The following ZFHX3 variants were observed in gnomAD, a reference collection of about 807,000 sequenced individuals.
ZFHX3 encodes zinc finger homeobox 3, also known as zinc finger homeobox protein 3.
In ZFHX3, 42 loss-of-function variants were observed where a neutral mutation model predicts 279.1. That is an observed-to-expected ratio of 0.15 (90% confidence interval 0.12 to 0.19). The LOEUF (loss-of-function observed/expected upper bound fraction) is 0.19. Among genes scored for constraint, ZFHX3 ranks in the 10% least tolerant of loss-of-function variants. The pLI, the probability that ZFHX3 is intolerant of heterozygous loss-of-function variation, is 1.00. For missense variants in ZFHX3, 4,981 were observed against 4,754.0 expected, an observed-to-expected ratio of 1.05 and a Z score of -1.40; for synonymous variants, 2,293 against 1,957.8, an observed-to-expected ratio of 1.17 and a Z score of -4.52.
intron 2 of ZFHX3, among the ~76,000 whole-genome samples, chr16:73,596,016 TA>T: frequency 7.5e-6 from 1 of 133,700 alleles, no homozygotes; most frequent in Admixed American, 7.0e-5. Context: ...TATTTTATTT[TA>T]TTTTATTTTA....
intron 2 of ZFHX3, among the ~76,000 whole-genome samples, chr16:73,529,821 G>T (rs961464303): frequency 1.3e-5 from 2 of 152,146 alleles, no homozygotes; most frequent in Admixed American, 6.5e-5. Flanking sequence ...GTTTCTCCGT[G>T]GCTTCATTAG....
At chr16:73,606,120 T>G (rs1277586194) in intron 2 of ZFHX3, among the ~76,000 whole-genome samples, 1 of 130,934 alleles carries the variant, frequency 7.6e-6, no homozygotes, top group African/African-American at 3.0e-5. Flanking sequence ...AGGTGGAGCT[T>G]GCAGTGAGCC....
At chr16:72,868,409 T>C (rs1160468538) in intron 4 of ZFHX3, among the ~76,000 whole-genome samples, 1 of 152,210 alleles carries the variant, frequency 6.6e-6, no homozygotes, top group African/African-American at 2.4e-5. Context: ...AAAAACAGCA[T>C]TAAGTGTCTC....
chr16:73,434,620 T>C (rs1250118757), intron 3 of ZFHX3, among the ~76,000 whole-genome samples: 1 of 147,542 alleles, frequency 6.8e-6, no homozygotes, highest in African/African-American at 2.5e-5. Context: ...GTTTTTTTTT[T>C]GTTGTTGCTT....
rs140702022 is a variant in ZFHX3, at chr16:72,784,571, TACAA to T, written c.*2589_*2592del. 4 of 151,988 alleles carry T rather than the reference TACAA, an allele frequency of 2.6e-5. No individual in the cohort carries two copies. The highest frequency in any genetic ancestry group is 7.2e-5 in the African/African-American group (3 of 41,432). 9.4% of individuals were successfully genotyped at this position (151,988 alleles called of 1,614,324 possible). A position where few individuals can be genotyped will look rare whatever the true frequency, so the allele number is the denominator to read the frequency against. On this transcript the variant is annotated 3_prime_UTR_variant, in exon 10 of 10. Coordinates refer to ENST00000268489, the MANE Select transcript of ZFHX3 (RefSeq NM_006885.4). ...TATATATATATATATTTCATAGAGTTACAAACAAGATAAAATAATGGAAAACAAA... is the reference window on the plus strand; with the variant it reads ...TATATATATATATATTTCATAGAGTTACAAGATAAAATAATGGAAAACAAA...
intron 1 of ZFHX3, among the ~76,000 whole-genome samples, chr16:72,991,586 G>A (rs189920672): frequency 3.3e-5 from 5 of 152,282 alleles, no homozygotes; most frequent in Admixed American, 3.3e-4. Context: ...CTTAATAGGG[G>A]TTAGCTATTA....
chr16:73,533,794 T>C (rs145904621), intron 2 of ZFHX3, among the ~76,000 whole-genome samples: 3 of 152,318 alleles, frequency 2.0e-5, no homozygotes, highest in South Asian at 4.1e-4. Context: ...CCCTCTCTTT[T>C]ACAGCCTTCT....
At chr16:73,515,952 T>C (rs1417819030) in intron 2 of ZFHX3, among the ~76,000 whole-genome samples, 2 of 152,228 alleles carry the variant, frequency 1.3e-5, no homozygotes, top group East Asian at 3.8e-4. Flanking sequence ...ATTGTTTCCA[T>C]TGGTCATTGC....
rs558455910 is a variant in ZFHX3, at chr16:73,655,365, C to T, written c.-1547+24815G>A. On this transcript the variant is annotated intron_variant, in intron 2 of 17. Transcript: ENST00000641206. Reference sequence around the variant, plus strand: ...GGAAACTAAACTGCCATTATTCTTACATAATTGTACATGTAGAAAATCCAA... The same window carrying T: ...GGAAACTAAACTGCCATTATTCTTATATAATTGTACATGTAGAAAATCCAA... 4.6e-5 allele frequency among the ~76,000 whole-genome samples: 7 copies of T among 152,246 alleles called. No homozygotes were observed. In the South Asian group the frequency reaches 1.5e-3, roughly 32 times the overall value.
intron 2 of ZFHX3, among the ~76,000 whole-genome samples, chr16:73,630,098 A>G (rs1228071898): frequency 6.6e-6 from 1 of 152,138 alleles, no homozygotes; most frequent in Non-Finnish European, 1.5e-5. Context: ...ATGATATTTC[A>G]GCACATTGAA....
intron 5 of ZFHX3, among the ~76,000 whole-genome samples, chr16:73,242,548 A>G (rs2013154409): frequency 1.3e-5 from 2 of 152,240 alleles, no homozygotes; most frequent in South Asian, 4.1e-4. Flanking sequence ...TTAATGTAAG[A>G]CAAAGCAAAA....
intron 2 of ZFHX3, chr16:73,504,380 TC>T (rs1401283472): frequency 6.6e-6 from 1 of 152,184 alleles, no homozygotes; most frequent in African/African-American, 2.4e-5. Flanking sequence ...CCCTTCTTCT[TC>T]CCCAAACTGT....
intron 2 of ZFHX3, chr16:73,500,354 G>A (rs1014297653): frequency 6.5e-6 from 1 of 153,988 alleles, no homozygotes. Flanking sequence ...TTGAGAGAGG[G>A]GCTGACTCTG....
chr16:73,676,357 G>A (rs977876572), intron 2 of ZFHX3, among the ~76,000 whole-genome samples: 5 of 151,902 alleles, frequency 3.3e-5, no homozygotes, highest in Admixed American at 6.6e-5. Context: ...GCAGGGTGGG[G>A]GAGATGAGAA....
At chr16:73,653,137 T>G (rs899146376) in intron 2 of ZFHX3, among the ~76,000 whole-genome samples, 15 of 152,122 alleles carry the variant, frequency 9.9e-5, no homozygotes, top group Non-Finnish European at 4.4e-5. Flanking sequence ...GTTACTTTAT[T>G]GTAATAAAGA....
chr16:73,428,505 C>T (rs1410349944), intron 3 of ZFHX3, among the ~76,000 whole-genome samples: 2 of 152,092 alleles, frequency 1.3e-5, no homozygotes, highest in African/African-American at 4.8e-5. Context: ...AATGCATTTG[C>T]CCCCAGCCAC....
chr16:73,849,182 G>A (rs780368187), intron 1 of ZFHX3, among the ~76,000 whole-genome samples: 9 of 152,170 alleles, frequency 5.9e-5, no homozygotes, highest in African/African-American at 9.7e-5. Flanking sequence ...GGTTACAGTC[G>A]CTCCTTAGGC....
intron 4 of ZFHX3, among the ~76,000 whole-genome samples, chr16:73,298,267 C>A (rs888701654): frequency 6.6e-6 from 1 of 151,314 alleles, no homozygotes; most frequent in African/African-American, 2.4e-5. Context: ...ACTGCAACCT[C>A]CGCCCCTCCC....
chr16:73,088,136 C>T (rs1175410552), intron 8 of ZFHX3, among the ~76,000 whole-genome samples: 1 of 121,352 alleles, frequency 8.2e-6, no homozygotes, highest in African/African-American at 3.1e-5. Context: ...CCTAAACTTT[C>T]ATTTCATTTT....
Sources: allele counts gnomAD v4.1 joint callset (sites outside exome capture counted in the v4.1 genomes callset), GRCh38; gene constraint gnomAD v4.1.1; transcripts MANE v1.5; gene names NCBI Gene and HGNC (gene_info 2026-07-23, HGNC 2026-07-21).